The following CHTF8 variants were observed in gnomAD, a reference collection of about 807,000 sequenced individuals.
CHTF8 encodes chromosome transmission fidelity protein 8 homolog.
Under a neutral mutation model 11.0 loss-of-function variants are expected in CHTF8, and 6 were observed. The ratio of observed to expected loss-of-function variants is 0.55; its 90% confidence interval spans 0.30 to 1.08. The LOEUF (loss-of-function observed/expected upper bound fraction) is 1.08, where lower values mean the gene tolerates loss of function less well. CHTF8 is among the 50% of genes least tolerant of loss of function. The pLI is 0.07. For missense variants in CHTF8, 140 were observed against 153.1 expected, an observed-to-expected ratio of 0.91 and a Z score of 0.45; for synonymous variants, 53 against 60.5, an observed-to-expected ratio of 0.88 and a Z score of 0.57.
intron 1 of CHTF8, among the ~76,000 whole-genome samples, chr16:69,129,824 A>G (rs1186537342): frequency 6.6e-6 from 1 of 152,354 alleles, no homozygotes; most frequent in East Asian, 1.9e-4. Context: ...TAACCTATGG[A>G]AAGACCTTGT....
intron 1 of CHTF8, among the ~76,000 whole-genome samples, chr16:69,127,500 T>C (rs535040663): frequency 5.3e-5 from 8 of 152,138 alleles, no homozygotes; most frequent in African/African-American, 7.2e-5. Flanking sequence ...TGTTTAGAAA[T>C]TGCAGCTCTA....
At chr16:69,128,192 C>T (rs184503520) in intron 1 of CHTF8, among the ~76,000 whole-genome samples, 1 of 152,286 alleles carries the variant, frequency 6.6e-6, no homozygotes, top group African/African-American at 2.4e-5. Flanking sequence ...GGATTACAGG[C>T]GTGAACCACA....
chr16:69,130,920 G>A (rs1335326895), intron 1 of CHTF8, among the ~76,000 whole-genome samples: 1 of 152,148 alleles, frequency 6.6e-6, no homozygotes, highest in Non-Finnish European at 1.5e-5. Flanking sequence ...AGTTCTGGAA[G>A]GTAATTTCTC....
Position 69,121,033 on chromosome 16 carries a change from G to C in CHTF8, c.141+20C>G, listed in dbSNP as rs1194360016. 1 of 1,600,048 alleles carries C rather than the reference G, an allele frequency of 6.2e-7. No individual in the cohort carries two copies. The highest frequency in any genetic ancestry group is 1.1e-5 in the South Asian group (1 of 90,776). On this transcript the variant is annotated intron_variant, in intron 3 of 3. Transcript: ENST00000448552. ...CTTGCTTTCCTGAGGCATTAGGCAG[G>C]GAAAGAAAAGCCCCCTCACCTCAGT...
intron 1 of CHTF8, among the ~76,000 whole-genome samples, chr16:69,131,846 TCCCTC>T (rs1962550136): frequency 6.6e-6 from 1 of 151,080 alleles, no homozygotes. Flanking sequence ...TCTCTCGGCT[TCCCTC>T]CCACAAAAGA....
At chr16:69,127,743 G>A (rs1029901324) in intron 1 of CHTF8, among the ~76,000 whole-genome samples, 5 of 150,840 alleles carry the variant, frequency 3.3e-5, no homozygotes, top group African/African-American at 1.2e-4. Flanking sequence ...CCAAGTAGCT[G>A]GGACTACAGG....
chr16:69,121,305 T>C (rs1229213493), intron 2 of CHTF8, 131 bp downstream of exon 2: 15 of 1,216,958 alleles, frequency 1.2e-5, no homozygotes, highest in Non-Finnish European at 1.8e-5. Context: ...GTGCTAGGCA[T>C]GGAACTAGAG....
rs749100832 is a variant in CHTF8 at position 69,121,502 on chromosome 16, A to G, written c.-35-9T>C. ...AAGCAAGTGAAAACAAGCTGTAGAG[A>G]GAAAAAAAGAGATTTAGGGTAATAA... On this transcript the variant is annotated splice_polypyrimidine_tract_variant and intron_variant, in intron 1 of 3. Transcript: ENST00000448552. The G allele has an allele frequency of 9.0e-5, 137 of 1,530,218 alleles. No individual in the cohort carries two copies. Among genetic ancestry groups the G allele is most frequent in the Non-Finnish European group, 1.2e-4 (132 of 1,121,378 alleles). The allele number at this position is 1,530,218 out of a possible 1,614,324, so 94.8% of individuals were successfully genotyped here.
chr16:69,121,477 A>G lies in CHTF8; in HGVS notation c.-19T>C. ...GCACCATGAGCTTTCTGTCTTTAAAAAGCAAGTGAAAACAAGCTGTAGAGA... is the reference window on the plus strand; with the variant it reads ...GCACCATGAGCTTTCTGTCTTTAAAGAGCAAGTGAAAACAAGCTGTAGAGA... On this transcript the variant is annotated 5_prime_UTR_variant, in exon 2 of 4. Coordinates refer to ENST00000448552, the MANE Select transcript of CHTF8 (RefSeq NM_001039690.5). 3.1e-6 allele frequency: 5 copies of G among 1,596,850 alleles called. No homozygotes were observed. The highest frequency in any genetic ancestry group is 4.3e-6 in the Non-Finnish European group (5 of 1,173,904).
rs763651430 is a variant in CHTF8 at position 69,119,376 on chromosome 16, T to C, written c.*1049A>G. On this transcript the variant is annotated 3_prime_UTR_variant, in exon 4 of 4. Coordinates refer to ENST00000448552, the MANE Select transcript of CHTF8 (RefSeq NM_001039690.5). ...TGGCATTTACCCCCATGGGGCCAACTGGCCTTGAGAAATGAGCTGAATTAG... is the reference window on the plus strand; with the variant it reads ...TGGCATTTACCCCCATGGGGCCAACCGGCCTTGAGAAATGAGCTGAATTAG... 5.7e-6 allele frequency: 4 copies of C among 703,018 alleles called. No individual in the cohort carries two copies. Among genetic ancestry groups the C allele is most frequent in the Non-Finnish European group, 7.8e-6 (3 of 384,972 alleles). 43.5% of individuals were successfully genotyped at this position (703,018 alleles called of 1,614,324 possible).
chr16:69,118,430 G>A lies in CHTF8; in HGVS notation c.*1995C>T, dbSNP rs533106531. 17 of 1,611,960 alleles carry A rather than the reference G, an allele frequency of 1.1e-5. No homozygotes were observed. The highest frequency in any genetic ancestry group is 1.4e-5 in the Non-Finnish European group (16 of 1,178,042). ...GGTCAGAGCTACGGAAGCATGGTCC[G>A]TTCACCAACGCCACGTTTCTAGAGA... On this transcript the variant is annotated 3_prime_UTR_variant, in exon 4 of 4. Coordinates refer to ENST00000448552, the MANE Select transcript of CHTF8 (RefSeq NM_001039690.5).
rs575533900 is a variant in CHTF8, at chr16:69,120,269, C to T, written c.*156G>A. ...AGATTTCCACCAAGAGAACCGGCCGCCATAAGGAAGGGATCCGAGTTCACA... is the reference window on the plus strand; with the variant it reads ...AGATTTCCACCAAGAGAACCGGCCGTCATAAGGAAGGGATCCGAGTTCACA... On this transcript the variant is annotated 3_prime_UTR_variant, in exon 4 of 4. Coordinates refer to ENST00000448552, the MANE Select transcript of CHTF8 (RefSeq NM_001039690.5). The surrounding 1 kb of genome is among the most constrained non-coding windows in gnomAD (Gnocchi z 4.0). 88 of 740,802 alleles carry T rather than the reference C, an allele frequency of 1.2e-4. No homozygotes were observed. Among genetic ancestry groups the T allele is most frequent in the Non-Finnish European group, 2.0e-4 (81 of 414,256 alleles). The allele number at this position is 740,802 out of a possible 1,614,324, so 45.9% of individuals were successfully genotyped here.
chr16:69,124,781 G>A (rs564697111), intron 1 of CHTF8, among the ~76,000 whole-genome samples: 2 of 152,246 alleles, frequency 1.3e-5, no homozygotes, highest in Admixed American at 6.5e-5. Context: ...GATTACAGGC[G>A]TGAGACACTG....
chr16:69,123,262 G>A (rs1961814445), intron 1 of CHTF8, among the ~76,000 whole-genome samples: 1 of 152,116 alleles, frequency 6.6e-6, no homozygotes, highest in Non-Finnish European at 1.5e-5. Flanking sequence ...TCTTAAAAAA[G>A]CCTATGGAGT....
At chr16:69,122,965 C>T (rs1961792979) in intron 1 of CHTF8, among the ~76,000 whole-genome samples, 1 of 152,124 alleles carries the variant, frequency 6.6e-6, no homozygotes, top group Non-Finnish European at 1.5e-5. Flanking sequence ...AGGCATTAGC[C>T]ACCACACCCG....
In CHTF8 at chr16:69,118,891, A is replaced by C. The variant is rs770057006; in HGVS notation, c.*1534T>G. On this transcript the variant is annotated 3_prime_UTR_variant, in exon 4 of 4. Transcript: ENST00000448552. ...CATTCCATTTGGGTACATTGCAGCC[A>C]TTGGACCCCCTGGTCTGGGGAAAGC... The C allele has an allele frequency of 1.4e-6, 1 of 703,078 alleles. No homozygotes were observed. Among genetic ancestry groups the C allele is most frequent in the South Asian group, 1.5e-5 (1 of 67,594 alleles). 43.6% of individuals were successfully genotyped at this position (703,078 alleles called of 1,614,324 possible).
intron 1 of CHTF8, among the ~76,000 whole-genome samples, chr16:69,129,429 C>CAAAAA (rs11420871): frequency 6.6e-5 from 5 of 75,570 alleles, no homozygotes; most frequent in Non-Finnish European, 1.0e-4. Context: ...GACTCCGTCA[C>CAAAAA]AAAAAAAAAA....
chr16:69,121,250 C>A, intron 2 of CHTF8, 80 bp from the exon 3 acceptor site: 1 of 1,379,308 alleles, frequency 7.3e-7, no homozygotes, highest in Non-Finnish European at 1.0e-6. Flanking sequence ...ATTTGAGGCC[C>A]AAAGGACCTC....
intron 1 of CHTF8, among the ~76,000 whole-genome samples, chr16:69,128,761 AG>A (rs1179835072): frequency 1.3e-5 from 2 of 152,170 alleles, no homozygotes; most frequent in Non-Finnish European, 2.9e-5. Context: ...TTTTGAAATT[AG>A]TAACTATTAT....
Sources: allele counts gnomAD v4.1 joint callset (sites outside exome capture counted in the v4.1 genomes callset), GRCh38; gene constraint gnomAD v4.1.1; non-coding constraint Gnocchi (gnomAD v3.1); transcripts MANE v1.5; gene names NCBI Gene and HGNC (gene_info 2026-07-23, HGNC 2026-07-21).